The following ETNK1 variants were observed in gnomAD, a reference collection of about 807,000 sequenced individuals.
ETNK1 encodes the protein ethanolamine kinase 1, also known as putative protein product of Nbla10396.
ETNK1 carries 8 observed loss-of-function variants against 45.1 expected under a neutral mutation model. The observed-to-expected ratio is 0.18, with a 90% CI of 0.10 to 0.32. ETNK1 has a LOEUF of 0.32. ETNK1 is among the 10% of genes least tolerant of loss of function. ETNK1 has a pLI of 1.00. For missense variants in ETNK1, 302 were observed against 430.6 expected, an observed-to-expected ratio of 0.70 and a Z score of 2.64; for synonymous variants, 152 against 151.9, an observed-to-expected ratio of 1.00 and a Z score of -0.01.
chr12:22,672,757 A>G (rs1276368488), intron 5 of ETNK1, among the ~76,000 whole-genome samples: 1 of 152,236 alleles, frequency 6.6e-6, no homozygotes, highest in Non-Finnish European at 1.5e-5. Context: ...TTCATGAAGG[A>G]GACTACAGAG....
In ETNK1 at chr12:22,651,724, G is replaced by A. The variant is rs1210113786; in HGVS notation, c.417-7290G>A. Among the ~76,000 whole-genome samples the A allele has an allele frequency of 4.8e-5, 6 of 124,462 alleles. No homozygotes were observed. In the South Asian group the frequency reaches 7.3e-4, roughly 15 times the overall value. The allele number at this position is 124,462 out of a possible 152,430, so 81.7% of individuals were successfully genotyped here. A position where few individuals can be genotyped will look rare whatever the true frequency, so the allele number is the denominator to read the frequency against. Reference sequence around the variant, plus strand: ...TTTTGAGACAGAGTCTCGCCATGTCGCCCAGCCTGGTGTGCAGTGGTGCCT... The same window carrying A: ...TTTTGAGACAGAGTCTCGCCATGTCACCCAGCCTGGTGTGCAGTGGTGCCT... On this transcript the variant is annotated intron_variant, in intron 2 of 7. Transcript: ENST00000266517.
chr12:22,655,593 T>C (rs1161848874), intron 2 of ETNK1, among the ~76,000 whole-genome samples: 1 of 152,238 alleles, frequency 6.6e-6, no homozygotes, highest in Non-Finnish European at 1.5e-5. Context: ...TGCCTCGGCC[T>C]TCCAAAGTGC....
chr12:22,648,673 A>G (rs1274709163), intron 2 of ETNK1, among the ~76,000 whole-genome samples: 1 of 152,108 alleles, frequency 6.6e-6, no homozygotes, highest in Non-Finnish European at 1.5e-5. Flanking sequence ...TTAAGCTGCT[A>G]TAAGAATCCC....
intron 1 of ETNK1, among the ~76,000 whole-genome samples, chr12:22,643,247 T>C (rs1392827172): frequency 6.6e-6 from 1 of 152,100 alleles, no homozygotes; most frequent in African/African-American, 2.4e-5. Flanking sequence ...TGGTAGATTA[T>C]ATTTGTATAT....
At chr12:22,630,803 G>A (rs1055891538) in intron 1 of ETNK1, among the ~76,000 whole-genome samples, 1 of 151,778 alleles carries the variant, frequency 6.6e-6, no homozygotes, top group South Asian at 2.1e-4. Context: ...TAGAGTCGGG[G>A]TTTCACCATG....
chr12:22,636,282 T>TA (rs921042550), intron 1 of ETNK1, among the ~76,000 whole-genome samples: 19 of 150,792 alleles, frequency 1.3e-4, no homozygotes, highest in Admixed American at 2.6e-4. Flanking sequence ...TTTTCTCTGC[T>TA]AAAAAAAAAT....
At chr12:22,659,303 A>T in intron 3 of ETNK1, 149 bp downstream of exon 3, 1 of 829,408 alleles carries the variant, frequency 1.2e-6, no homozygotes, top group Non-Finnish European at 1.8e-6. Flanking sequence ...TGGCTGTCAG[A>T]TAGCACTACA....
intron 6 of ETNK1, among the ~76,000 whole-genome samples, chr12:22,681,562 C>T (rs1246351380): frequency 6.6e-6 from 1 of 151,902 alleles, no homozygotes; most frequent in Non-Finnish European, 1.5e-5. Context: ...AAGACCTCTA[C>T]AAGCTTTTGT....
At position 22,686,860 on chromosome 12, in the gene ETNK1, T is replaced by TG. The variant is rs1954264620; in HGVS notation, c.*1906_*1907insG. The TG allele has an allele frequency of 7.0e-6, 1 of 141,958 alleles. No individual in the cohort carries two copies. The highest frequency in any genetic ancestry group is 2.3e-4 in the South Asian group (1 of 4,442). The allele number at this position is 141,958 out of a possible 1,614,324, so 8.8% of individuals were successfully genotyped here. ...ATGTGTAATACTCTTAATTTTTTTT[T>TG]TTTTTTTTTTTTTTTTTTTGCTTTC... On this transcript the variant is annotated 3_prime_UTR_variant, in exon 8 of 8. Coordinates refer to ENST00000266517, the MANE Select transcript of ETNK1 (RefSeq NM_018638.5).
At chr12:22,670,700 G>A (rs1368799726) in intron 4 of ETNK1, among the ~76,000 whole-genome samples, 4 of 152,162 alleles carry the variant, frequency 2.6e-5, no homozygotes, top group Admixed American at 2.6e-4. Context: ...ACCTTGGTTA[G>A]GTAGTATTAC....
intron 1 of ETNK1, among the ~76,000 whole-genome samples, chr12:22,641,585 G>C (rs1953737600): frequency 6.6e-6 from 1 of 152,014 alleles, no homozygotes; most frequent in Non-Finnish European, 1.5e-5. Context: ...CCGTTGTTTT[G>C]CTACTAATTT....
At position 22,656,440 on chromosome 12, in the gene ETNK1, A is replaced by C. The variant is rs1026068617; in HGVS notation, c.417-2574A>C. Reference sequence around the variant, plus strand: ...TACACTGATTGTTTCAGATCAGAAGAGCAGAAACGGCTTAGTTCTAAAGAG... The same window carrying C: ...TACACTGATTGTTTCAGATCAGAAGCGCAGAAACGGCTTAGTTCTAAAGAG... On this transcript the variant is annotated intron_variant, in intron 2 of 7. Coordinates refer to ENST00000266517, the MANE Select transcript of ETNK1 (RefSeq NM_018638.5). The C allele has an allele frequency of 1.5e-5, 15 of 985,316 alleles. No individual in the cohort carries two copies. In the African/African-American group the frequency reaches 2.6e-4, roughly 17 times the overall value. 61.0% of individuals were successfully genotyped at this position (985,316 alleles called of 1,614,324 possible). A position where few individuals can be genotyped will look rare whatever the true frequency, so the allele number is the denominator to read the frequency against.
At position 22,689,839 on chromosome 12, in the gene ETNK1, T is replaced by C. The variant is rs1954288984; in HGVS notation, c.*4885T>C. 6.6e-6 allele frequency: 1 copy of C among 152,022 alleles called. No homozygotes were observed. The highest frequency in any genetic ancestry group is 1.5e-5 in the Non-Finnish European group (1 of 67,878). 9.4% of individuals were successfully genotyped at this position (152,022 alleles called of 1,614,324 possible). A position where few individuals can be genotyped will look rare whatever the true frequency, so the allele number is the denominator to read the frequency against. Reference sequence around the variant, plus strand: ...TATTTGTCCAATAATCTGAAGTAGTTTCCTATATTTATCTGTACTAAATTG... The same window carrying C: ...TATTTGTCCAATAATCTGAAGTAGTCTCCTATATTTATCTGTACTAAATTG... On this transcript the variant is annotated 3_prime_UTR_variant, in exon 8 of 8. Coordinates refer to ENST00000266517, the MANE Select transcript of ETNK1 (RefSeq NM_018638.5).
In ETNK1 at chr12:22,684,926, A is replaced by C. The variant is rs765178693; in HGVS notation, c.1064A>C (p.Glu355Ala). ...RFNQYFKMKP[E>A]VTALKVPE ...AACCAGTACTTTAAAATGAAGCCTG[A>C]GGTTACTGCATTAAAAGTGCCTGAG... The change falls in exon 8 of 8, where the codon GAG (glutamate) becomes GCG (alanine). Residue 355 changes from glutamate to alanine, a missense_variant. Physicochemically the swap from Glu to Ala is moderately radical, Grantham distance 107. Transcript: ENST00000266517. 5 of 1,608,416 alleles carry C rather than the reference A, an allele frequency of 3.1e-6. No homozygotes were observed. The South Asian group carries it at 3.3e-5, about 11-fold the overall frequency.
chr12:22,625,621 C>T (rs1055745719), intron 1 of ETNK1, 35 bp downstream of exon 1: 8 of 1,535,618 alleles, frequency 5.2e-6, no homozygotes, highest in African/African-American at 4.1e-5. Context: ...GTCTCTTATG[C>T]CCCTCACGCG....
chr12:22,626,731 C>T (rs181679713), intron 1 of ETNK1, among the ~76,000 whole-genome samples: 85 of 151,982 alleles, frequency 5.6e-4, no homozygotes, highest in Non-Finnish European at 9.3e-4. Context: ...TTAAAGGACC[C>T]GTATGTTTTG....
At position 22,661,086 on chromosome 12, in the gene ETNK1, C is replaced by A. The variant is rs752120627; in HGVS notation, c.581C>A (p.Ser194Tyr). ...AGGTTCCTAAGTGATATCCCAAGCT[C>A]TCAGATTCTCCAGGAAGAGATGACT... is the stretch of plus-strand genomic sequence containing the variant. Reference protein sequence around the residue: ...NKRFLSDIPSSQILQEEMTWM... With the variant: ...NKRFLSDIPSYQILQEEMTWM... Residue 194 changes from serine (S) to tyrosine (Y), a missense_variant, in exon 4 of 8, where the codon TCT becomes TAT. Coordinates refer to ENST00000266517, the MANE Select transcript of ETNK1 (RefSeq NM_018638.5). 1 of 1,611,226 alleles carries A rather than the reference C, an allele frequency of 6.2e-7. No homozygotes were observed. Among genetic ancestry groups the A allele is most frequent in the Non-Finnish European group, 8.5e-7 (1 of 1,179,208 alleles).
At position 22,625,394 on chromosome 12, in the gene ETNK1, C is replaced by A. The variant is rs1953475064; in HGVS notation, c.-37C>A. On this transcript the variant is annotated 5_prime_UTR_variant, in exon 1 of 8. Transcript: ENST00000266517. ...CCGCCGTTCTCGTGGTCGCCGTCGC[C>A]GTCGTCGTGGTGGTAGTCTCCGCCG... 6.4e-7 allele frequency: 1 copy of A among 1,565,230 alleles called. No homozygotes were observed. Among genetic ancestry groups the A allele is most frequent in the Non-Finnish European group, 8.6e-7 (1 of 1,158,660 alleles).
At chr12:22,654,179 A>G (rs1026296883) in intron 2 of ETNK1, among the ~76,000 whole-genome samples, 5 of 152,232 alleles carry the variant, frequency 3.3e-5, no homozygotes, top group African/African-American at 9.6e-5. Flanking sequence ...TAAGGAACAT[A>G]ACTATGAGAA....
Sources: gnomAD v4.1 joint callset for allele counts (sites outside exome capture counted in the v4.1 genomes callset) on GRCh38, gnomAD v4.1.1 for gene constraint, MANE v1.5 for transcripts, NCBI Gene and HGNC (gene_info 2026-07-23, HGNC 2026-07-21) for gene names.